The following KLHL6 variants were observed in gnomAD, a reference collection of about 807,000 sequenced individuals.
KLHL6 encodes kelch like family member 6, also known as kelch-like protein 6.
A neutral mutation model predicts 58.6 loss-of-function variants in KLHL6; 41 were observed. That is an observed-to-expected ratio of 0.70 (90% CI 0.55 to 0.91). The LOEUF (loss-of-function observed/expected upper bound fraction) is 0.91, where lower values mean the gene tolerates loss of function less well. KLHL6 is among the 40% of genes least tolerant of loss of function. The pLI is 0.00. For synonymous variants in KLHL6, 338 were observed against 322.7 expected (o/e 1.05, Z -0.51); for missense variants, 714 against 805.6 (o/e 0.89, Z 1.38).
Position 183,492,809 on chromosome 3 carries a change from G to A in KLHL6, c.1351-102C>T. ...ACAGAGCTCCGGGACACAGAACTGGGCATCTTTTGCCTATAGTCACAAGGC... is the reference window on the plus strand; with the variant it reads ...ACAGAGCTCCGGGACACAGAACTGGACATCTTTTGCCTATAGTCACAAGGC... On this transcript the variant is annotated intron_variant, in intron 5 of 6. Coordinates refer to ENST00000341319, the MANE Select transcript of KLHL6 (RefSeq NM_130446.4). This position sits in a 1 kb window ranked among gnomAD's most constrained non-coding sequence, Gnocchi z 5.9. The A allele has an allele frequency of 3.8e-6, 4 of 1,057,652 alleles. No individual in the cohort carries two copies. In the Admixed American group the frequency reaches 6.4e-5, roughly 17 times the overall value. The allele number at this position is 1,057,652 out of a possible 1,614,324, so 65.5% of individuals were successfully genotyped here.
intron 2 of KLHL6, among the ~76,000 whole-genome samples, chr3:183,511,006 G>C (rs566440319): frequency 6.6e-6 from 1 of 152,270 alleles, no homozygotes; most frequent in South Asian, 2.1e-4. Flanking sequence ...AGACACAGAG[G>C]CAAAGTACAG....
chr3:183,528,350 C>T (rs1207063183), intron 1 of KLHL6, among the ~76,000 whole-genome samples: 1 of 152,190 alleles, frequency 6.6e-6, no homozygotes, highest in Non-Finnish European at 1.5e-5. Context: ...CACCCAGCAC[C>T]CAAACAGGGC....
chr3:183,514,036 C>A (rs1274751283), intron 2 of KLHL6, among the ~76,000 whole-genome samples: 1 of 152,200 alleles, frequency 6.6e-6, no homozygotes, highest in Non-Finnish European at 1.5e-5. Context: ...CATGTCCCTG[C>A]AAAGGACATG....
At chr3:183,520,856 T>A (rs956969760) in intron 2 of KLHL6, 1 of 151,816 alleles carries the variant, frequency 6.6e-6, no homozygotes, top group East Asian at 1.9e-4. Context: ...GACAGATGCC[T>A]TCCTCTTATC....
chr3:183,528,979 G>A (rs1033397098), intron 1 of KLHL6, among the ~76,000 whole-genome samples: 1 of 152,154 alleles, frequency 6.6e-6, no homozygotes, highest in Non-Finnish European at 1.5e-5. Flanking sequence ...AAAAAAGAAC[G>A]AGATCGTATC....
In KLHL6 at chr3:183,492,529, T is replaced by A; in HGVS notation, c.1529A>T (p.Asn510Ile). 6.2e-7 allele frequency: 1 copy of A among 1,614,232 alleles called. No homozygotes were observed. Among genetic ancestry groups the A allele is most frequent in the South Asian group, 1.1e-5 (1 of 91,080 alleles). ...AAMPVEAKCINAVSFRDRIYV... is the reference protein window; with the variant it reads ...AAMPVEAKCIIAVSFRDRIYV... ...GATGCGGTCCCGGAAACTCACTGCA[T>A]TGATGCATTTAGCCTCCACGGGCAT... is the stretch of plus-strand genomic sequence containing the variant. The change falls in exon 6 of 7, where the codon AAT becomes ATT. Residue 510 changes from asparagine (N) to isoleucine (I), a missense_variant. This residue lies in a region of KLHL6 where 510 missense variants were observed against 629.7 expected (regional missense o/e 0.81). Transcript: ENST00000341319. The surrounding 1 kb of genome is among the most constrained non-coding windows in gnomAD (Gnocchi z 5.9).
In KLHL6 at chr3:183,494,863, A is replaced by T. The variant is rs557847279; in HGVS notation, c.1148-582T>A. The stretch of plus-strand genomic sequence containing the variant: ...TATTTCTAAATAATTTTTGTTATAA[A>T]AGTATGAGATGCTCACAATAGATCA... On this transcript the variant is annotated intron_variant, in intron 4 of 6. Transcript: ENST00000341319. Among the ~76,000 whole-genome samples, 100 of 152,362 alleles carry T rather than the reference A, an allele frequency of 6.6e-4. 4 individuals carry two copies. The South Asian group carries it at 0.018, about 27-fold the overall frequency.
chr3:183,525,260 T>TA lies in KLHL6; in HGVS notation c.459+2584dup, dbSNP rs144357979. Among the ~76,000 whole-genome samples, 31 of 143,928 alleles carry TA rather than the reference T, an allele frequency of 2.2e-4. No homozygotes were observed. In the East Asian group the frequency reaches 2.8e-3, roughly 13 times the overall value. The allele number at this position is 143,928 out of a possible 152,430, so 94.4% of individuals were successfully genotyped here. ...GCCTGGGCAACAGAGTGAGACTCTC[T>TA]AAAAAAAAAACACACACACACACAC... is the stretch of plus-strand genomic sequence containing the variant. On this transcript the variant is annotated intron_variant, in intron 2 of 6. Transcript: ENST00000341319.
rs1712039595 is a variant in KLHL6, at chr3:183,528,139, G to A, written c.294-129C>T. 3.1e-6 allele frequency: 3 copies of A among 970,840 alleles called. No homozygotes were observed. In the East Asian group the frequency reaches 7.3e-5, roughly 24 times the overall value. The allele number at this position is 970,840 out of a possible 1,614,324, so 60.1% of individuals were successfully genotyped here. Reference sequence around the variant, plus strand: ...CCCAAGGTCAGGTCCTGGGCTGGTGGCTCTCTGTTCTCCAGCACCCCCTAC... The same window carrying A: ...CCCAAGGTCAGGTCCTGGGCTGGTGACTCTCTGTTCTCCAGCACCCCCTAC... On this transcript the variant is annotated intron_variant, in intron 1 of 6. Transcript: ENST00000341319.
In KLHL6 at chr3:183,545,697, CA is replaced by C. The variant is rs1006837916; in HGVS notation, c.293+9663del. 2.1e-4 allele frequency among the ~76,000 whole-genome samples: 32 copies of C among 151,920 alleles called. 1 individual carries two copies. Among genetic ancestry groups the C allele is most frequent in the Admixed American group, 1.2e-3 (18 of 15,240 alleles). ...AGAACCCCTCTCCCCACTCCCAGTG[CA>C]AAAAAACAAAAGAACTGCAAGAGTC... On this transcript the variant is annotated intron_variant, in intron 1 of 6. Coordinates refer to ENST00000341319, the MANE Select transcript of KLHL6 (RefSeq NM_130446.4).
intron 1 of KLHL6, among the ~76,000 whole-genome samples, chr3:183,544,972 C>T (rs532283226): frequency 6.6e-6 from 1 of 152,216 alleles, no homozygotes; most frequent in East Asian, 1.9e-4. Context: ...CTCATTTTCC[C>T]TCCAGAGCCA....
chr3:183,525,157 G>A (rs1021457041), intron 2 of KLHL6, among the ~76,000 whole-genome samples: 3 of 151,876 alleles, frequency 2.0e-5, no homozygotes, highest in Non-Finnish European at 2.9e-5. Context: ...CCAGCTACTC[G>A]GGAGTCTGAG....
intron 4 of KLHL6, among the ~76,000 whole-genome samples, chr3:183,494,749 T>C (rs1006691048): frequency 2.0e-5 from 3 of 152,232 alleles, no homozygotes; most frequent in Non-Finnish European, 2.9e-5. Flanking sequence ...AAAGCAAAGA[T>C]ACAGACCTGG....
intron 1 of KLHL6, among the ~76,000 whole-genome samples, chr3:183,554,666 C>T (rs1054547776): frequency 1.1e-4 from 17 of 152,220 alleles, no homozygotes; most frequent in Non-Finnish European, 2.1e-4. Context: ...GGGGCCACAT[C>T]CTTTTTCTCT....
intron 1 of KLHL6, among the ~76,000 whole-genome samples, chr3:183,554,642 AC>A (rs1713043465): frequency 6.6e-6 from 1 of 152,220 alleles, no homozygotes; most frequent in Non-Finnish European, 1.5e-5. Context: ...AAGTCATTTG[AC>A]AACTCCAGAA....
intron 2 of KLHL6, among the ~76,000 whole-genome samples, chr3:183,510,887 A>AAAT (rs1718164835): frequency 6.6e-6 from 1 of 151,920 alleles, no homozygotes; most frequent in African/African-American, 2.4e-5. Context: ...ATAAATAAAT[A>AAAT]AATAAATAAA....
intron 2 of KLHL6, among the ~76,000 whole-genome samples, chr3:183,525,942 C>T (rs1192936268): frequency 6.6e-6 from 1 of 152,242 alleles, no homozygotes; most frequent in African/African-American, 2.4e-5. Flanking sequence ...ACACTGCAAA[C>T]AGGCAGTGTC....
chr3:183,490,659 G>A lies in KLHL6; in HGVS notation c.*1268C>T, dbSNP rs959057337. 1 of 152,090 alleles carries A rather than the reference G, an allele frequency of 6.6e-6. No individual in the cohort carries two copies. The highest frequency in any genetic ancestry group is 2.4e-5 in the African/African-American group (1 of 41,412). 9.4% of individuals were successfully genotyped at this position (152,090 alleles called of 1,614,324 possible). On this transcript the variant is annotated 3_prime_UTR_variant, in exon 7 of 7. Coordinates refer to ENST00000341319, the MANE Select transcript of KLHL6 (RefSeq NM_130446.4). Reference sequence around the variant, plus strand: ...GTCTCTACTAAAACTACAAAAATTAGCCAGGCGCGGTGGCAGGTGCCTGTA... The same window carrying A: ...GTCTCTACTAAAACTACAAAAATTAACCAGGCGCGGTGGCAGGTGCCTGTA...
chr3:183,529,421 G>C (rs1712085650), intron 1 of KLHL6, among the ~76,000 whole-genome samples: 1 of 152,020 alleles, frequency 6.6e-6, no homozygotes, highest in African/African-American at 2.4e-5. Flanking sequence ...GTCCTTCCCA[G>C]GGAATGTGTG....
Sources: gnomAD v4.1 joint callset for allele counts (sites outside exome capture counted in the v4.1 genomes callset) on GRCh38, gnomAD v4.1.1 for gene constraint, gnomAD v4.1.1 regional missense constraint, Gnocchi (gnomAD v3.1) non-coding constraint, MANE v1.5 for transcripts, NCBI Gene and HGNC (gene_info 2026-07-23, HGNC 2026-07-21) for gene names.